Variants in OR2J2 observed in about 807,000 individuals in gnomAD.
The protein encoded by OR2J2 is olfactory receptor family 2 subfamily J member 2.
OR2J2 carries 13 observed loss-of-function variants against 16.9 expected under a neutral mutation model. That is an observed-to-expected ratio of 0.77 (90% CI 0.50 to 1.23). OR2J2 has a LOEUF of 1.23. OR2J2 is among the 50% of genes most tolerant of loss of function. The probability of loss-of-function intolerance (pLI) is 0.00; values close to 1 mark genes in which losing one functional copy is unlikely to be tolerated. For synonymous variants in OR2J2, 125 were observed against 141.2 expected, an observed-to-expected ratio of 0.89 and a Z score of 0.81; for missense variants, 341 against 379.1, an observed-to-expected ratio of 0.90 and a Z score of 0.84.
chr6:29,174,126 C>T lies in OR2J2; in HGVS notation c.491C>T (p.Thr164Ile). The T allele has an allele frequency of 1.2e-6, 2 of 1,613,760 alleles. No homozygotes were observed. Among genetic ancestry groups the T allele is most frequent in the Admixed American group, 3.3e-5 (2 of 59,908 alleles). The change falls in exon 2 of 2, where the codon ACT becomes ATT. Residue 164 changes from threonine to isoleucine, a missense_variant. Coordinates refer to ENST00000641417, the MANE Select transcript of OR2J2 (RefSeq NM_030905.3). ...FTISALHSSF[T>I]FWVPLCGHRL... is the part of the protein sequence containing the mutation. ...ATCTCAGCACTTCATTCCTCCTTTA[C>T]TTTCTGGGTACCCCTTTGTGGACAT...
chr6:29,172,203 C>A (rs1479275594), intron 1 of OR2J2, among the ~76,000 whole-genome samples: 7 of 152,074 alleles, frequency 4.6e-5, no homozygotes, highest in African/African-American at 1.7e-4. Flanking sequence ...CAGGTGCCCA[C>A]TACCATGCCT....
At position 29,174,643 on chromosome 6, in the gene OR2J2, C is replaced by T; in HGVS notation, c.*69C>T. On this transcript the variant is annotated 3_prime_UTR_variant, in exon 2 of 2. Coordinates refer to ENST00000641417, the MANE Select transcript of OR2J2 (RefSeq NM_030905.3). ...TTAGCCATCTTGAAAGGTGGTTTCC[C>T]TGCTTCTTTGTGATTTATTTTTGTT... 2 of 1,260,298 alleles carry T rather than the reference C, an allele frequency of 1.6e-6. No individual in the cohort carries two copies. The highest frequency in any genetic ancestry group is 3.0e-5 in the South Asian group (2 of 66,812). The allele number at this position is 1,260,298 out of a possible 1,614,324, so 78.1% of individuals were successfully genotyped here. A position where few individuals can be genotyped will look rare whatever the true frequency, so the allele number is the denominator to read the frequency against.
At chr6:29,172,004 C>T (rs2151017669) in intron 1 of OR2J2, among the ~76,000 whole-genome samples, 1 of 152,204 alleles carries the variant, frequency 6.6e-6, no homozygotes, top group Middle Eastern at 3.4e-3. Flanking sequence ...GTCAAGATTA[C>T]AATACTTGAG....
Position 29,175,405 on chromosome 6 carries a change from A to C in OR2J2, c.*831A>C, listed in dbSNP as rs187076261. 2.6e-5 allele frequency: 4 copies of C among 151,420 alleles called. No individual in the cohort carries two copies. Among genetic ancestry groups the C allele is most frequent in the Admixed American group, 6.6e-5 (1 of 15,222 alleles). The allele number at this position is 151,420 out of a possible 1,614,324, so 9.4% of individuals were successfully genotyped here. ...TTGTCACTGGGGGTAATGCTAATAC[A>C]TTAAGACAGCTTTTAAAAGTCAGAA... On this transcript the variant is annotated 3_prime_UTR_variant, in exon 2 of 2. Coordinates refer to ENST00000641417, the MANE Select transcript of OR2J2 (RefSeq NM_030905.3).
intron 1 of OR2J2, among the ~76,000 whole-genome samples, chr6:29,173,130 G>A (rs1161766798): frequency 6.6e-6 from 1 of 152,034 alleles, no homozygotes; most frequent in Non-Finnish European, 1.5e-5. Context: ...AGCATAAATA[G>A]CATTTGATTC....
In OR2J2 at chr6:29,170,988, G is replaced by C. The variant is rs980210073; in HGVS notation, c.-135G>C. 6.6e-6 allele frequency: 1 copy of C among 152,072 alleles called. No individual in the cohort carries two copies. Among genetic ancestry groups the C allele is most frequent in the African/African-American group, 2.4e-5 (1 of 41,414 alleles). 9.4% of individuals were successfully genotyped at this position (152,072 alleles called of 1,614,324 possible). Reference sequence around the variant, plus strand: ...ACATTGGCAAAAATGTTATAAGAAGGCAATTAGGTTGATGTTTTTAGGTTG... The same window carrying C: ...ACATTGGCAAAAATGTTATAAGAAGCCAATTAGGTTGATGTTTTTAGGTTG... On this transcript the variant is annotated 5_prime_UTR_variant, in exon 1 of 2. Coordinates refer to ENST00000641417, the MANE Select transcript of OR2J2 (RefSeq NM_030905.3).
At position 29,175,387 on chromosome 6, in the gene OR2J2, T is replaced by A. The variant is rs1419735225; in HGVS notation, c.*813T>A. On this transcript the variant is annotated 3_prime_UTR_variant, in exon 2 of 2. Coordinates refer to ENST00000641417, the MANE Select transcript of OR2J2 (RefSeq NM_030905.3). ...ATCTGTGCATGGCTTAATTTGTCACTGGGGGTAATGCTAATACATTAAGAC... is the reference window on the plus strand; with the variant it reads ...ATCTGTGCATGGCTTAATTTGTCACAGGGGGTAATGCTAATACATTAAGAC... 6.6e-6 allele frequency: 1 copy of A among 152,166 alleles called. No individual in the cohort carries two copies. Among genetic ancestry groups the A allele is most frequent in the Non-Finnish European group, 1.5e-5 (1 of 68,030 alleles). 9.4% of individuals were successfully genotyped at this position (152,166 alleles called of 1,614,324 possible).
Position 29,174,663 on chromosome 6 carries a change from T to A in OR2J2, c.*89T>A. On this transcript the variant is annotated 3_prime_UTR_variant, in exon 2 of 2. Coordinates refer to ENST00000641417, the MANE Select transcript of OR2J2 (RefSeq NM_030905.3). ...TTTCCCTGCTTCTTTGTGATTTATT[T>A]TTGTTCTAACAGCTCACAAAACAGA... The A allele has an allele frequency of 9.3e-7, 1 of 1,074,880 alleles. No individual in the cohort carries two copies. The highest frequency in any genetic ancestry group is 1.3e-6 in the Non-Finnish European group (1 of 758,062). The allele number at this position is 1,074,880 out of a possible 1,614,324, so 66.6% of individuals were successfully genotyped here. A position where few individuals can be genotyped will look rare whatever the true frequency, so the allele number is the denominator to read the frequency against.
intron 1 of OR2J2, among the ~76,000 whole-genome samples, chr6:29,171,576 TG>T (rs925155610): frequency 3.3e-5 from 5 of 152,006 alleles, no homozygotes; most frequent in African/African-American, 1.2e-4. Context: ...ACATGAGTTC[TG>T]GGGGTTTTTT....
intron 1 of OR2J2, 161 bp from the exon 2 acceptor site, chr6:29,173,458 T>A: frequency 1.9e-6 from 1 of 537,014 alleles, no homozygotes. Flanking sequence ...TGTAGCTGGA[T>A]AAATATCTCA....
At position 29,174,041 on chromosome 6, in the gene OR2J2, C is replaced by T. The variant is rs1297452946; in HGVS notation, c.406C>T (p.Leu136Phe). 6.2e-7 allele frequency: 1 copy of T among 1,613,218 alleles called. No individual in the cohort carries two copies. The highest frequency in any genetic ancestry group is 8.5e-7 in the Non-Finnish European group (1 of 1,179,772). ...AVCRPLHYTV[L>F]MHPRFCHLLV... ...GTGTAGACCTTTGCATTACACTGTC[C>T]TCATGCACCCTCGTTTCTGCCACTT... The change falls in exon 2 of 2, where the codon CTC (leucine) becomes TTC (phenylalanine). Residue 136 changes from leucine (L) to phenylalanine (F), a missense_variant. By Grantham distance (22) the Leu-to-Phe change is conservative. Coordinates refer to ENST00000641417, the MANE Select transcript of OR2J2 (RefSeq NM_030905.3).
At chr6:29,171,841 G>T (rs1196242225) in intron 1 of OR2J2, among the ~76,000 whole-genome samples, 1 of 151,994 alleles carries the variant, frequency 6.6e-6, no homozygotes, top group Non-Finnish European at 1.5e-5. Context: ...TTCTCAAAAG[G>T]TTAATGCTCA....
chr6:29,174,670 T>G lies in OR2J2; in HGVS notation c.*96T>G, dbSNP rs1378198132. Reference sequence around the variant, plus strand: ...GCTTCTTTGTGATTTATTTTTGTTCTAACAGCTCACAAAACAGAATAGTTC... The same window carrying G: ...GCTTCTTTGTGATTTATTTTTGTTCGAACAGCTCACAAAACAGAATAGTTC... On this transcript the variant is annotated 3_prime_UTR_variant, in exon 2 of 2. Transcript: ENST00000641417. The G allele has an allele frequency of 1.5e-5, 14 of 944,752 alleles. No homozygotes were observed. Among genetic ancestry groups the G allele is most frequent in the Admixed American group, 1.1e-4 (4 of 35,272 alleles). 58.5% of individuals were successfully genotyped at this position (944,752 alleles called of 1,614,324 possible).
chr6:29,171,487 C>T (rs1035783507), intron 1 of OR2J2, among the ~76,000 whole-genome samples: 6 of 152,012 alleles, frequency 3.9e-5, no homozygotes, highest in East Asian at 3.9e-4. Flanking sequence ...TATTCTACAA[C>T]TCATAAAAGC....
Position 29,174,849 on chromosome 6 carries a change from G to A in OR2J2, c.*275G>A, listed in dbSNP as rs1406297088. On this transcript the variant is annotated 3_prime_UTR_variant, in exon 2 of 2. Coordinates refer to ENST00000641417, the MANE Select transcript of OR2J2 (RefSeq NM_030905.3). ...TTTCAACGTAAATAAATGTGCATGC[G>A]AATAGTTATGAGGAGATTATTTCAA... 1.0e-5 allele frequency: 4 copies of A among 386,304 alleles called. No homozygotes were observed. The highest frequency in any genetic ancestry group is 4.1e-5 in the Admixed American group (1 of 24,194). The allele number at this position is 386,304 out of a possible 1,614,324, so 23.9% of individuals were successfully genotyped here. A position where few individuals can be genotyped will look rare whatever the true frequency, so the allele number is the denominator to read the frequency against.
Position 29,173,703 on chromosome 6 carries a change from A to G in OR2J2, c.68A>G (p.Gln23Arg), listed in dbSNP as rs374674840. The G allele has an allele frequency of 6.2e-7, 1 of 1,613,554 alleles. No individual in the cohort carries two copies. The highest frequency in any genetic ancestry group is 8.5e-7 in the Non-Finnish European group (1 of 1,179,876). ...CTACTTGGATTTTCTAATTGGCCTC[A>G]GCTGGAAGTAGTTCTCTTTGTGGTT... ...FILLGFSNWP[Q>R]LEVVLFVVIL... Residue 23 changes from glutamine to arginine, a missense_variant, in exon 2 of 2, where the codon CAG becomes CGG. Gln to Arg is a conservative substitution (Grantham distance 43). Transcript: ENST00000641417.
At chr6:29,171,226 G>A (rs534543406) in intron 1 of OR2J2, 121 bp downstream of exon 1, 1 of 152,058 alleles carries the variant, frequency 6.6e-6, no homozygotes, top group African/African-American at 2.4e-5. Context: ...GTGGGGTGAT[G>A]GATATGTTAA....
At chr6:29,172,375 C>G (rs1765547756) in intron 1 of OR2J2, among the ~76,000 whole-genome samples, 1 of 151,992 alleles carries the variant, frequency 6.6e-6, no homozygotes. Context: ...CCAAATTTAT[C>G]AGAGAGTATA....
At position 29,173,849 on chromosome 6, in the gene OR2J2, C is replaced by G. The variant is rs1210441054; in HGVS notation, c.214C>G (p.Leu72Val). ...CCTTTCAAACCTCTCATTTCTGGATCTCTGCTACACCACCAGCTCTATCCC... is the reference window on the plus strand; with the variant it reads ...CCTTTCAAACCTCTCATTTCTGGATGTCTGCTACACCACCAGCTCTATCCC... ...FFLSNLSFLD[L>V]CYTTSSIPQL... The change falls in exon 2 of 2, where the codon CTC becomes GTC. Residue 72 changes from leucine (L) to valine (V), a missense_variant. Physicochemically the swap from Leu to Val is conservative, Grantham distance 32. Transcript: ENST00000641417. The G allele has an allele frequency of 1.9e-6, 3 of 1,612,864 alleles. No homozygotes were observed. The highest frequency in any genetic ancestry group is 1.7e-6 in the Non-Finnish European group (2 of 1,179,742).
Sources: allele counts gnomAD v4.1 joint callset (sites outside exome capture counted in the v4.1 genomes callset), GRCh38; gene constraint gnomAD v4.1.1; transcripts MANE v1.5; gene names NCBI Gene and HGNC (gene_info 2026-07-23, HGNC 2026-07-21).